Variants in CHD6 observed in about 807,000 individuals in gnomAD.
CHD6 encodes ATP-dependent chromatin remodeler CHD6.
CHD6 carries 50 observed loss-of-function variants against 276.9 expected under a neutral mutation model. The observed-to-expected ratio is 0.18, with a 90% CI of 0.14 to 0.23. The LOEUF (loss-of-function observed/expected upper bound fraction) is 0.23, where lower values mean the gene tolerates loss of function less well. Ranked by LOEUF, CHD6 falls within the 10% of genes least tolerant of loss-of-function variation. The pLI, the probability that CHD6 is intolerant of heterozygous loss-of-function variation, is 1.00. For synonymous variants in CHD6, 1,173 were observed against 1,229.3 expected (o/e 0.95, Z 0.96); for missense variants, 2,564 against 3,365.8 (o/e 0.76, Z 5.89).
At chr20:41,546,711 AT>A (rs2045050127) in intron 2 of CHD6, among the ~76,000 whole-genome samples, 1 of 152,146 alleles carries the variant, frequency 6.6e-6, no homozygotes, top group African/African-American at 2.4e-5. Flanking sequence ...TATTTTTATA[AT>A]TTTTTTCTGC....
At chr20:41,570,623 C>T (rs1451847832) in intron 1 of CHD6, among the ~76,000 whole-genome samples, 1 of 152,196 alleles carries the variant, frequency 6.6e-6, no homozygotes, top group African/African-American at 2.4e-5. Context: ...GATATGTTTG[C>T]AGTAACTCTT....
Position 41,404,305 on chromosome 20 carries a change from G to T in CHD6, c.*288C>A, listed in dbSNP as rs1324767664. 2 of 1,125,968 alleles carry T rather than the reference G, an allele frequency of 1.8e-6. No homozygotes were observed. The highest frequency in any genetic ancestry group is 2.2e-6 in the Non-Finnish European group (2 of 920,120). The allele number at this position is 1,125,968 out of a possible 1,614,324, so 69.7% of individuals were successfully genotyped here. A position where few individuals can be genotyped will look rare whatever the true frequency, so the allele number is the denominator to read the frequency against. On this transcript the variant is annotated 3_prime_UTR_variant, in exon 37 of 37. Coordinates refer to ENST00000373233, the MANE Select transcript of CHD6 (RefSeq NM_032221.5). ...GTGAGTGGGAAACTTGGAAGAGAAG[G>T]GGGTAGGGCGTGTCACCAAGTACTG...
At chr20:41,489,191 T>C (rs1416986469) in intron 12 of CHD6, among the ~76,000 whole-genome samples, 2 of 152,228 alleles carry the variant, frequency 1.3e-5, no homozygotes, top group Non-Finnish European at 2.9e-5. Context: ...TCTGCTGTTT[T>C]TGAAACCTCT....
At position 41,547,654 on chromosome 20, in the gene CHD6, C is replaced by T. The variant is rs1448535262; in HGVS notation, c.33+3651G>A. On this transcript the variant is annotated intron_variant, in intron 2 of 36. Transcript: ENST00000373233. ...CAGATTGAGGTGGTACCTTCTGCCT[C>T]TGCCCTAATCATCAAAGCCCTCAAG... The T allele has an allele frequency of 4.2e-6, 3 of 718,206 alleles. No homozygotes were observed. In the East Asian group the frequency reaches 1.3e-4, roughly 30 times the overall value. The allele number at this position is 718,206 out of a possible 1,614,324, so 44.5% of individuals were successfully genotyped here. A position where few individuals can be genotyped will look rare whatever the true frequency, so the allele number is the denominator to read the frequency against.
chr20:41,582,724 ATGTTAAAAAATT>A (rs2045553883), intron 1 of CHD6, among the ~76,000 whole-genome samples: 1 of 152,224 alleles, frequency 6.6e-6, no homozygotes, highest in Admixed American at 6.5e-5. Flanking sequence ...AACAATTGAT[ATGTTAAAAAATT>A]TAGTAGACAA....
chr20:41,572,296 C>G (rs558151441), intron 1 of CHD6, among the ~76,000 whole-genome samples: 1 of 152,170 alleles, frequency 6.6e-6, no homozygotes, highest in Non-Finnish European at 1.5e-5. Flanking sequence ...GCTCCAAGGT[C>G]TAGTGTAAGT....
chr20:41,420,289 C>G (rs1225469769), intron 31 of CHD6, among the ~76,000 whole-genome samples: 1 of 152,148 alleles, frequency 6.6e-6, no homozygotes, highest in African/African-American at 2.4e-5. Context: ...GTGAGGCAGC[C>G]AAACTGCTAT....
chr20:41,498,807 ATGTATGTG>A (rs61136632), intron 6 of CHD6, among the ~76,000 whole-genome samples: 1,201 of 117,642 alleles, frequency 0.01, 8 homozygotes, highest in African/African-American at 0.031. Context: ...GTATGTATGT[ATGTATGTG>A]TGTGTGTGTG....
chr20:41,593,202 A>AG (rs5841412), intron 1 of CHD6, among the ~76,000 whole-genome samples: 9,992 of 117,256 alleles, frequency 0.085, 696 homozygotes, highest in East Asian at 0.28. Flanking sequence ...CCAATCAAAA[A>AG]GGGGGGGGGG....
At chr20:41,439,278 C>T (rs1009167868) in intron 26 of CHD6, among the ~76,000 whole-genome samples, 1 of 151,908 alleles carries the variant, frequency 6.6e-6, no homozygotes, top group African/African-American at 2.4e-5. Context: ...ATTGCTTGAA[C>T]CTGGGAGGCG....
chr20:41,413,249 C>T, intron 35 of CHD6, 75 bp downstream of exon 35: 1 of 1,268,410 alleles, frequency 7.9e-7, no homozygotes, highest in Non-Finnish European at 1.1e-6. Context: ...TTGCCCTCAG[C>T]ATGCTTTCAT....
intron 1 of CHD6, among the ~76,000 whole-genome samples, chr20:41,552,525 A>C (rs1169347635): frequency 6.6e-6 from 1 of 152,202 alleles, no homozygotes; most frequent in African/African-American, 2.4e-5. Flanking sequence ...AATATATACA[A>C]CCATAATTTG....
chr20:41,526,393 A>T (rs997956305), intron 3 of CHD6, among the ~76,000 whole-genome samples: 1 of 152,216 alleles, frequency 6.6e-6, no homozygotes, highest in African/African-American at 2.4e-5. Flanking sequence ...ACCTGAAATT[A>T]GCCTCAATAA....
intron 17 of CHD6, among the ~76,000 whole-genome samples, chr20:41,463,735 G>A (rs1000343260): frequency 6.6e-6 from 1 of 152,218 alleles, no homozygotes; most frequent in African/African-American, 2.4e-5. Context: ...GGTAATGGGT[G>A]ACCCTGGATT....
chr20:41,551,486 T>C, intron 1 of CHD6, 126 bp from the exon 2 acceptor site: 1 of 562,704 alleles, frequency 1.8e-6, no homozygotes, highest in Non-Finnish European at 3.1e-6. Flanking sequence ...AACATTTATG[T>C]CCAACAACCT....
intron 1 of CHD6, among the ~76,000 whole-genome samples, chr20:41,571,377 G>A (rs2045414554): frequency 6.6e-6 from 1 of 150,574 alleles, no homozygotes; most frequent in Admixed American, 6.6e-5. Context: ...AAGAAAGGAA[G>A]TCTGGCCATT....
At chr20:41,556,811 C>G (rs2146171893) in intron 1 of CHD6, among the ~76,000 whole-genome samples, 1 of 152,244 alleles carries the variant, frequency 6.6e-6, no homozygotes, top group Non-Finnish European at 1.5e-5. Flanking sequence ...AGACAGCACC[C>G]CATAATTTAT....
chr20:41,593,505 C>T (rs2045685756), intron 1 of CHD6, among the ~76,000 whole-genome samples: 2 of 152,190 alleles, frequency 1.3e-5, no homozygotes, highest in South Asian at 4.1e-4. Flanking sequence ...TACAACACTG[C>T]TACCTGCTGA....
chr20:41,583,052 G>C (rs537193824), intron 1 of CHD6, among the ~76,000 whole-genome samples: 1 of 152,296 alleles, frequency 6.6e-6, no homozygotes, highest in South Asian at 2.1e-4. Context: ...GAAGGGGATA[G>C]AGGGACTGAC....
Sources: gnomAD v4.1 joint callset for allele counts (sites outside exome capture counted in the v4.1 genomes callset) on GRCh38, gnomAD v4.1.1 for gene constraint, MANE v1.5 for transcripts, NCBI Gene and HGNC (gene_info 2026-07-23, HGNC 2026-07-21) for gene names.